C3orf52: variants seen among roughly 807,000 people sequenced by gnomAD.
C3orf52 encodes the protein TPA-induced transmembrane protein.
C3orf52 carries 22 observed loss-of-function variants against 24.8 expected under a neutral mutation model. The observed-to-expected ratio is 0.89, with a 90% CI of 0.63 to 1.27. The LOEUF (loss-of-function observed/expected upper bound fraction) is 1.27, where lower values mean the gene tolerates loss of function less well. Among genes scored for constraint, C3orf52 ranks in the 50% most tolerant of loss-of-function variants. The pLI is 0.00. For synonymous variants in C3orf52, 93 were observed against 100.2 expected, an observed-to-expected ratio of 0.93 and a Z score of 0.43; for missense variants, 265 against 260.7, an observed-to-expected ratio of 1.02 and a Z score of -0.11.
At chr3:112,123,656 G>T (rs1044303038) in intron 4 of C3orf52, 3 of 1,614,000 alleles carry the variant, frequency 1.9e-6, no homozygotes, top group Admixed American at 1.7e-5. Context: ...TCTCAGCTTT[G>T]CAGGGAACAT....
intron 1 of C3orf52, among the ~76,000 whole-genome samples, chr3:112,089,574 A>C (rs2073860133): frequency 6.6e-6 from 1 of 152,174 alleles, no homozygotes; most frequent in Admixed American, 6.5e-5. Flanking sequence ...GAGCTAGCTA[A>C]AAATTAGCTC....
intron 4 of C3orf52, chr3:112,125,113 T>G: frequency 1.3e-6 from 1 of 751,038 alleles, no homozygotes; most frequent in Non-Finnish European, 2.4e-6. Flanking sequence ...ACATCTAAAG[T>G]CTTTCTCCAT....
intron 4 of C3orf52, chr3:112,128,208 T>A (rs1260359874): frequency 2.8e-6 from 2 of 725,620 alleles, no homozygotes; most frequent in Non-Finnish European, 5.0e-6. Flanking sequence ...ACATCTCTCA[T>A]GGTAGAATGC....
intron 1 of C3orf52, among the ~76,000 whole-genome samples, chr3:112,091,223 C>T (rs1049628257): frequency 6.6e-6 from 1 of 152,168 alleles, no homozygotes; most frequent in Admixed American, 6.5e-5. Flanking sequence ...AAACAGCCCA[C>T]AATCGTTAAA....
chr3:112,127,019 A>T, intron 4 of C3orf52: 1 of 1,587,872 alleles, frequency 6.3e-7, no homozygotes, highest in Non-Finnish European at 8.6e-7. Context: ...CTTTTCAAAA[A>T]TGAGTATTTT....
intron 2 of C3orf52, 27 bp from the exon 3 acceptor site, chr3:112,102,811 C>T: frequency 6.5e-7 from 1 of 1,527,148 alleles, no homozygotes; most frequent in South Asian, 1.3e-5. Context: ...TTTTGTTTTT[C>T]ATTTCCACCT....
intron 2 of C3orf52, among the ~76,000 whole-genome samples, chr3:112,098,518 G>A (rs1224134844): frequency 6.6e-6 from 1 of 152,152 alleles, no homozygotes; most frequent in East Asian, 1.9e-4. Context: ...AGTTTTGGAA[G>A]TACTCTTGGC....
downstream of C3orf52, among the ~76,000 whole-genome samples, chr3:112,135,817 C>T (rs2074545877): frequency 6.6e-6 from 1 of 152,058 alleles, no homozygotes; most frequent in South Asian, 2.1e-4. Flanking sequence ...AAGGTCACAA[C>T]TTTAAAGCTA....
Position 112,123,345 on chromosome 3 carries a change from G to A in C3orf52, c.*46+3783G>A, listed in dbSNP as rs1309083289. On this transcript the variant is annotated intron_variant, in intron 4 of 4. Transcript: ENST00000480282. ...AACCATGCTCTGCAGGGAAAGGGTT[G>A]TTGTGGGAGATAAGCTGGAGGGACT... 7 of 1,520,160 alleles carry A rather than the reference G, an allele frequency of 4.6e-6. No homozygotes were observed. The East Asian group carries it at 6.9e-5, about 15-fold the overall frequency. The allele number at this position is 1,520,160 out of a possible 1,614,324, so 94.2% of individuals were successfully genotyped here.
At position 112,109,557 on chromosome 3, in the gene C3orf52, C is replaced by G. The variant is rs2074057735; in HGVS notation, c.411C>G (p.Tyr137Ter). 1 of 1,598,224 alleles carries G rather than the reference C, an allele frequency of 6.3e-7. No individual in the cohort carries two copies. The highest frequency in any genetic ancestry group is 1.1e-5 in the South Asian group (1 of 90,178). The change falls in exon 4 of 6, where the codon TAC (tyrosine) becomes TAG (stop). Residue 137 changes from tyrosine to a stop codon, truncating the protein, a stop_gained. Transcript: ENST00000264848. LOFTEE classifies it high-confidence loss of function. ...TGTTTGTTTAGCTCACAGATGTGTACAGTACATCGCCCTCTCTGGGTCGTT... is the reference window on the plus strand; with the variant it reads ...TGTTTGTTTAGCTCACAGATGTGTAGAGTACATCGCCCTCTCTGGGTCGTT... ...HLLTERLTDV[Y>*]STSPSLGRYF...
chr3:112,119,367 C>T (rs1462699134), downstream of C3orf52: 1 of 683,420 alleles, frequency 1.5e-6, no homozygotes, highest in Admixed American at 2.1e-5. Context: ...AAGAGTGAAA[C>T]TCCATAACAA....
intron 4 of C3orf52, among the ~76,000 whole-genome samples, chr3:112,124,891 A>G (rs1222549182): frequency 6.6e-6 from 1 of 152,206 alleles, no homozygotes; most frequent in East Asian, 1.9e-4. Flanking sequence ...TTTCTCATCT[A>G]TAAAATCGGG....
chr3:112,116,627 G>A lies in C3orf52; in HGVS notation c.650-15G>A. 2 of 1,550,734 alleles carry A rather than the reference G, an allele frequency of 1.3e-6. No homozygotes were observed. Among genetic ancestry groups the A allele is most frequent in the Non-Finnish European group, 1.7e-6 (2 of 1,145,602 alleles). On this transcript the variant is annotated splice_polypyrimidine_tract_variant and intron_variant, in intron 5 of 5. Transcript: ENST00000264848. ...AAAAATCAGTAACTTTTGTTCATCT[G>A]TGTTTTCTTTTTAGAATGAAGTGAT...
chr3:112,109,629 A>G lies in C3orf52; in HGVS notation c.467+16A>G, dbSNP rs2120095. 482,339 of 1,505,210 alleles carry G rather than the reference A, an allele frequency of 0.32. 78,868 individuals carry two copies. The highest frequency in any genetic ancestry group is 0.36 in the Middle Eastern group (2,092 of 5,864). The allele number at this position is 1,505,210 out of a possible 1,614,324, so 93.2% of individuals were successfully genotyped here. On this transcript the variant is annotated intron_variant, in intron 4 of 5. Coordinates refer to ENST00000264848, the MANE Select transcript of C3orf52 (RefSeq NM_024616.3). ...TGGACTTCAGGTAAGAGTGTGGAAC[A>G]TTACATTTTGCTCTCTTTCTCTGGA...
At chr3:112,110,354 A>T (rs918583944) in intron 4 of C3orf52, among the ~76,000 whole-genome samples, 1 of 152,092 alleles carries the variant, frequency 6.6e-6, no homozygotes, top group Non-Finnish European at 1.5e-5. Context: ...TAAAAATAAA[A>T]AAAAGAAGAC....
chr3:112,123,094 T>C (rs1010993873), downstream of C3orf52: 8 of 248,546 alleles, frequency 3.2e-5, no homozygotes, highest in Non-Finnish European at 6.2e-5. Context: ...CTTGTGACTT[T>C]AGAGAATGAT....
intron 4 of C3orf52, chr3:112,125,370 T>C (rs1460938218): frequency 2.8e-6 from 2 of 721,764 alleles, no homozygotes; most frequent in Non-Finnish European, 5.0e-6. Context: ...GGGTAGCTCT[T>C]CTCAGGCTAT....
intron 5 of C3orf52, among the ~76,000 whole-genome samples, chr3:112,115,807 G>C (rs971729286): frequency 7.9e-5 from 12 of 152,052 alleles, no homozygotes; most frequent in Non-Finnish European, 1.6e-4. Flanking sequence ...ATTTTGACCT[G>C]ACTGCATGCA....
chr3:112,109,687 A>G, intron 4 of C3orf52, 74 bp downstream of exon 4: 1 of 886,538 alleles, frequency 1.1e-6, no homozygotes, highest in Non-Finnish European at 1.8e-6. Flanking sequence ...TTCGTCATTT[A>G]CCTAGCAGGG....
Sources: allele counts gnomAD v4.1 joint callset (sites outside exome capture counted in the v4.1 genomes callset), GRCh38; gene constraint gnomAD v4.1.1; transcripts MANE v1.5; gene names NCBI Gene and HGNC (gene_info 2026-07-23, HGNC 2026-07-21).